RPGRIP1: variants seen among roughly 807,000 people sequenced by gnomAD.
RPGRIP1 encodes the protein RPGR interacting protein 1.
Under a neutral mutation model 157.9 loss-of-function variants are expected in RPGRIP1, and 128 were observed. The observed-to-expected ratio is 0.81, with a 90% confidence interval of 0.70 to 0.94. The LOEUF is 0.94. Among genes scored for constraint, RPGRIP1 ranks in the 40% least tolerant of loss-of-function variants. RPGRIP1 has a pLI of 0.00. For synonymous variants in RPGRIP1, 554 were observed against 571.6 expected (o/e 0.97, Z 0.44); for missense variants, 1,486 against 1,545.8 (o/e 0.96, Z 0.65).
Position 21,324,955 on chromosome 14 carries a change from G to A in RPGRIP1, c.2100G>A (p.Arg700=). 1 of 1,614,024 alleles carries A rather than the reference G, an allele frequency of 6.2e-7. No individual in the cohort carries two copies. Among genetic ancestry groups the A allele is most frequent in the Non-Finnish European group, 8.5e-7 (1 of 1,179,896 alleles). ...ACTACCTTCAAGAGGCTTCAGCCCG[G>A]CTTGACATACACCAGGCCATGGCCA... is the stretch of plus-strand genomic sequence containing the variant. The part of the protein sequence containing the change: ...FLHYLQEASA[R]LDIHQAMASE... Residue 700 remains arginine (R), a synonymous_variant, in exon 15 of 25, where the codon CGG becomes CGA. Transcript: ENST00000400017.
chr14:21,335,699 C>T (rs1884284305), intron 21 of RPGRIP1, among the ~76,000 whole-genome samples: 1 of 152,068 alleles, frequency 6.6e-6, no homozygotes, highest in African/African-American at 2.4e-5. Flanking sequence ...GGCGTGGTGG[C>T]TGGCACCTGT....
intron 10 of RPGRIP1, among the ~76,000 whole-genome samples, chr14:21,314,281 G>A (rs963093437): frequency 3.3e-5 from 5 of 152,030 alleles, no homozygotes; most frequent in African/African-American, 1.2e-4. Flanking sequence ...ACAGGGTTTC[G>A]CCAGATTGCC....
chr14:21,287,051 G>A (rs1212384748), intron 1 of RPGRIP1, among the ~76,000 whole-genome samples: 1 of 150,210 alleles, frequency 6.7e-6, no homozygotes, highest in East Asian at 1.9e-4. Flanking sequence ...AAGAAAGAGA[G>A]GAAGGAAGGA....
At chr14:21,296,189 C>T (rs1353767588) in intron 3 of RPGRIP1, among the ~76,000 whole-genome samples, 3 of 151,806 alleles carry the variant, frequency 2.0e-5, no homozygotes, top group East Asian at 3.9e-4. Flanking sequence ...GCAACTTCCG[C>T]CTCCCGGATT....
At chr14:21,303,676 G>A in intron 6 of RPGRIP1, 133 bp downstream of exon 6, 1 of 689,930 alleles carries the variant, frequency 1.4e-6, no homozygotes, top group South Asian at 1.9e-5. Context: ...TAGACACGGA[G>A]TCCCTCGTAG....
At chr14:21,285,154 A>T (rs1428962179) in intron 1 of RPGRIP1, among the ~76,000 whole-genome samples, 1 of 152,010 alleles carries the variant, frequency 6.6e-6, no homozygotes, top group Non-Finnish European at 1.5e-5. Context: ...GTGTATAGTA[A>T]ATGTCACAAG....
At chr14:21,298,422 C>A (rs1880885787) in intron 3 of RPGRIP1, among the ~76,000 whole-genome samples, 1 of 151,634 alleles carries the variant, frequency 6.6e-6, no homozygotes, top group Non-Finnish European at 1.5e-5. Context: ...ATCGCTTGAA[C>A]CCAGGAGGCG....
Position 21,301,094 on chromosome 14 carries a change from A to C in RPGRIP1, c.347A>C (p.His116Pro). The C allele has an allele frequency of 6.2e-7, 1 of 1,612,120 alleles. No individual in the cohort carries two copies. The highest frequency in any genetic ancestry group is 8.5e-7 in the Non-Finnish European group (1 of 1,179,188). ...KAGWRQRLSMHQRPQMHRLQG... is the reference protein window; with the variant it reads ...KAGWRQRLSMPQRPQMHRLQG... ...GGATGGCGGCAGCGCCTCTCCATGC[A>C]CCAGCGCCCCCAGATGCACCGACTG... The change falls in exon 4 of 25, where the codon CAC (histidine) becomes CCC (proline). Residue 116 changes from histidine to proline, a missense_variant. Coordinates refer to ENST00000400017, the MANE Select transcript of RPGRIP1 (RefSeq NM_020366.4).
chr14:21,304,424 A>C (rs531300399), intron 6 of RPGRIP1, among the ~76,000 whole-genome samples: 1 of 151,282 alleles, frequency 6.6e-6, no homozygotes, highest in African/African-American at 2.4e-5. Flanking sequence ...AGAAAGAAAG[A>C]AAGAAAGAAA....
rs191615472 is a variant in RPGRIP1, at chr14:21,301,536, G to C, written c.490+299G>C. Reference sequence around the variant, plus strand: ...TAATAAAAATACAAAAATTAGCTGGGCATGGTGGCGCGCACCTGTAGTCCC... The same window carrying C: ...TAATAAAAATACAAAAATTAGCTGGCCATGGTGGCGCGCACCTGTAGTCCC... On this transcript the variant is annotated intron_variant, in intron 4 of 24. Transcript: ENST00000400017. Among the ~76,000 whole-genome samples, 189 of 152,042 alleles carry C rather than the reference G, an allele frequency of 1.2e-3. 1 individual carries two copies. The highest frequency in any genetic ancestry group is 4.4e-3 in the African/African-American group (182 of 41,500).
intron 23 of RPGRIP1, among the ~76,000 whole-genome samples, chr14:21,345,968 C>T (rs905455795): frequency 5.3e-5 from 8 of 151,906 alleles, no homozygotes; most frequent in Non-Finnish European, 7.4e-5. Context: ...GACAGGTGCA[C>T]GCCACTTGCC....
rs547876047 is a variant in RPGRIP1 at position 21,301,133 on chromosome 14, A to G, written c.386A>G (p.His129Arg). The G allele has an allele frequency of 1.9e-6, 3 of 1,601,472 alleles. No individual in the cohort carries two copies. Among genetic ancestry groups the G allele is most frequent in the Non-Finnish European group, 2.6e-6 (3 of 1,174,196 alleles). ...ATGCACCGACTGCAAGGGCATTTCCACTGCGTCGGCCCTGCCAGCCCCCGC... is the reference window on the plus strand; with the variant it reads ...ATGCACCGACTGCAAGGGCATTTCCGCTGCGTCGGCCCTGCCAGCCCCCGC... ...PQMHRLQGHF[H>R]CVGPASPRRA... The change falls in exon 4 of 25, where the codon CAC becomes CGC. Residue 129 changes from histidine to arginine, a missense_variant. Transcript: ENST00000400017.
At chr14:21,317,093 C>A (rs1254516770) in intron 10 of RPGRIP1, among the ~76,000 whole-genome samples, 1 of 151,326 alleles carries the variant, frequency 6.6e-6, no homozygotes, top group East Asian at 2.0e-4. Context: ...GCACTCCAAC[C>A]TGGGTGACAG....
intron 21 of RPGRIP1, among the ~76,000 whole-genome samples, chr14:21,338,309 C>A (rs975156712): frequency 1.3e-5 from 2 of 152,142 alleles, no homozygotes; most frequent in African/African-American, 4.8e-5. Context: ...TAGTGAATAT[C>A]GAGAACCTCA....
chr14:21,312,713 G>A (rs1881591648), intron 10 of RPGRIP1, among the ~76,000 whole-genome samples: 1 of 150,788 alleles, frequency 6.6e-6, no homozygotes. Context: ...TTTTGAGATG[G>A]AGTCTCGCTC....
At chr14:21,294,535 A>T in intron 2 of RPGRIP1, 142 bp from the exon 3 acceptor site, 1 of 831,786 alleles carries the variant, frequency 1.2e-6, no homozygotes, top group Non-Finnish European at 1.8e-6. Context: ...GCCCAGAGTC[A>T]TTTCTCATAC....
rs528322267 is a variant in RPGRIP1 at position 21,338,993 on chromosome 14, G to A, written c.3340-4043G>A. On this transcript the variant is annotated intron_variant, in intron 21 of 24. Coordinates refer to ENST00000400017, the MANE Select transcript of RPGRIP1 (RefSeq NM_020366.4). ...GTCTACAAAAATACAAAAATTAGCCGGGCGTGATGACGGGTGCCTGTAATC... is the reference window on the plus strand; with the variant it reads ...GTCTACAAAAATACAAAAATTAGCCAGGCGTGATGACGGGTGCCTGTAATC... Among the ~76,000 whole-genome samples, 9 of 152,122 alleles carry A rather than the reference G, an allele frequency of 5.9e-5. No homozygotes were observed. In the South Asian group the frequency reaches 6.2e-4, roughly 11 times the overall value.
chr14:21,323,399 C>A, intron 14 of RPGRIP1, among the ~76,000 whole-genome samples: 1 of 149,034 alleles, frequency 6.7e-6, no homozygotes. Context: ...CCAGCCTAGG[C>A]AACAAGAGCG....
intron 21 of RPGRIP1, 35 bp from the exon 22 acceptor site, chr14:21,343,001 A>C (rs1885172774): frequency 6.4e-7 from 1 of 1,552,426 alleles, no homozygotes; most frequent in African/African-American, 1.4e-5. Context: ...AGCCTCACTA[A>C]CCTTTAGGAA....
Sources: gnomAD v4.1 joint callset for allele counts (sites outside exome capture counted in the v4.1 genomes callset) on GRCh38, gnomAD v4.1.1 for gene constraint, MANE v1.5 for transcripts, NCBI Gene and HGNC (gene_info 2026-07-23, HGNC 2026-07-21) for gene names.